The following STXBP5L variants were observed in gnomAD, a reference collection of about 807,000 sequenced individuals.
The protein encoded by STXBP5L is syntaxin binding protein 5L, also known as syntaxin-binding protein 5-like.
In STXBP5L, 65 loss-of-function variants were observed where a neutral mutation model predicts 144.5. That is an observed-to-expected ratio of 0.45 (90% CI 0.37 to 0.55). The LOEUF (loss-of-function observed/expected upper bound fraction) is 0.55. Ranked by LOEUF, STXBP5L falls within the 20% of genes least tolerant of loss-of-function variation. STXBP5L has a pLI of 0.00. For synonymous variants in STXBP5L, 505 were observed against 469.6 expected, an observed-to-expected ratio of 1.08 and a Z score of -0.97; for missense variants, 1,298 against 1,405.5, an observed-to-expected ratio of 0.92 and a Z score of 1.22.
chr3:121,200,300 T>C (rs2048088713), intron 9 of STXBP5L, among the ~76,000 whole-genome samples: 1 of 152,202 alleles, frequency 6.6e-6, no homozygotes. Context: ...CTGATGGTAG[T>C]TTGTATTTCT....
chr3:121,348,941 TTG>T (rs2045138674), intron 20 of STXBP5L, among the ~76,000 whole-genome samples: 1 of 152,132 alleles, frequency 6.6e-6, no homozygotes, highest in Admixed American at 6.5e-5. Flanking sequence ...GAAGGGTTTT[TTG>T]TGTGTCTATC....
At chr3:121,179,020 G>T (rs1021468525) in intron 9 of STXBP5L, among the ~76,000 whole-genome samples, 1 of 152,118 alleles carries the variant, frequency 6.6e-6, no homozygotes, top group African/African-American at 2.4e-5. Context: ...GGCATTACAG[G>T]AAGATGGGGA....
At chr3:121,088,058 A>G (rs2042586833) in intron 5 of STXBP5L, among the ~76,000 whole-genome samples, 1 of 152,138 alleles carries the variant, frequency 6.6e-6, no homozygotes, top group African/African-American at 2.4e-5. Flanking sequence ...TATAATTTAG[A>G]AGCTCCGGCA....
chr3:120,939,204 A>G (rs1710427234), intron 2 of STXBP5L, among the ~76,000 whole-genome samples: 1 of 152,192 alleles, frequency 6.6e-6, no homozygotes, highest in Non-Finnish European at 1.5e-5. Flanking sequence ...CATTGTGTCT[A>G]GTACGTAGTA....
intron 5 of STXBP5L, among the ~76,000 whole-genome samples, chr3:121,074,694 A>G (rs1168151382): frequency 6.6e-6 from 1 of 152,086 alleles, no homozygotes; most frequent in African/African-American, 2.4e-5. Context: ...TAGAGTCTCC[A>G]TTCCTTTGTT....
chr3:121,229,948 T>A (rs1012730593), intron 11 of STXBP5L, among the ~76,000 whole-genome samples: 3 of 152,214 alleles, frequency 2.0e-5, no homozygotes, highest in African/African-American at 7.2e-5. Context: ...GTCTTTCTAT[T>A]AAATTTAAGA....
intron 3 of STXBP5L, among the ~76,000 whole-genome samples, chr3:120,973,470 C>T (rs1940521859): frequency 6.6e-6 from 1 of 151,662 alleles, no homozygotes; most frequent in Non-Finnish European, 1.5e-5. Context: ...CTTTTTTATT[C>T]TTGGTTAATC....
At chr3:121,264,993 A>G (rs2050514238) in intron 18 of STXBP5L, among the ~76,000 whole-genome samples, 1 of 152,206 alleles carries the variant, frequency 6.6e-6, no homozygotes, top group Non-Finnish European at 1.5e-5. Flanking sequence ...TTAGAGACAG[A>G]CAAAGAAACT....
chr3:121,315,473 TG>T (rs927669199), intron 19 of STXBP5L, among the ~76,000 whole-genome samples: 19 of 92,314 alleles, frequency 2.1e-4, no homozygotes, highest in African/African-American at 7.8e-4. Context: ...CATCACACTC[TG>T]GGGACTGTTG....
At chr3:120,982,796 G>T (rs550361972) in intron 3 of STXBP5L, among the ~76,000 whole-genome samples, 1 of 152,326 alleles carries the variant, frequency 6.6e-6, no homozygotes, top group South Asian at 2.1e-4. Flanking sequence ...GGTGCCAGTT[G>T]TGGTGGACTG....
intron 3 of STXBP5L, among the ~76,000 whole-genome samples, chr3:120,973,229 A>T (rs1194785661): frequency 1.3e-5 from 2 of 152,006 alleles, no homozygotes; most frequent in East Asian, 3.9e-4. Context: ...AGATTCTTAA[A>T]TTACTGATTG....
chr3:120,946,278 G>A (rs1345172694), intron 2 of STXBP5L, among the ~76,000 whole-genome samples: 1 of 151,534 alleles, frequency 6.6e-6, no homozygotes, highest in East Asian at 1.9e-4. Context: ...ATGATTGTAC[G>A]GTGTCAATAA....
At chr3:121,180,242 A>G (rs1577131075) in intron 9 of STXBP5L, among the ~76,000 whole-genome samples, 1 of 152,254 alleles carries the variant, frequency 6.6e-6, no homozygotes, top group East Asian at 1.9e-4. Flanking sequence ...CAGATTTGTC[A>G]GCAGAAACTT....
At chr3:121,303,341 C>T (rs1381802713) in intron 19 of STXBP5L, among the ~76,000 whole-genome samples, 1 of 151,876 alleles carries the variant, frequency 6.6e-6, no homozygotes, top group Admixed American at 6.6e-5. Flanking sequence ...CCATCTCACA[C>T]CAGTTAGAAT....
At chr3:121,313,237 C>T (rs2043615937) in intron 19 of STXBP5L, among the ~76,000 whole-genome samples, 1 of 145,352 alleles carries the variant, frequency 6.9e-6, no homozygotes, top group African/African-American at 2.6e-5. Flanking sequence ...CACCTCCCTC[C>T]CGGACGGGGC....
intron 16 of STXBP5L, among the ~76,000 whole-genome samples, chr3:121,255,571 G>A (rs1051334308): frequency 6.6e-6 from 1 of 151,600 alleles, no homozygotes; most frequent in Non-Finnish European, 1.5e-5. Flanking sequence ...ATTTATTTTT[G>A]TATAAAAATC....
At chr3:120,908,947 C>CTG (rs2107537336) in intron 1 of STXBP5L, among the ~76,000 whole-genome samples, 1 of 152,050 alleles carries the variant, frequency 6.6e-6, no homozygotes, top group South Asian at 2.1e-4. Flanking sequence ...GCAGCTGTTG[C>CTG]TGTGGGTCAC....
chr3:121,160,445 A>T (rs2046281072), intron 9 of STXBP5L, among the ~76,000 whole-genome samples: 1 of 152,230 alleles, frequency 6.6e-6, no homozygotes, highest in South Asian at 2.1e-4. Flanking sequence ...AAAAAGAAAC[A>T]ATACAGTATC....
chr3:120,986,626 A>G (rs1015423975), intron 3 of STXBP5L, among the ~76,000 whole-genome samples: 2 of 151,964 alleles, frequency 1.3e-5, no homozygotes, highest in Non-Finnish European at 2.9e-5. Context: ...TTTTACATTT[A>G]AAGTACATTT....
Sources: allele counts gnomAD v4.1 joint callset (sites outside exome capture counted in the v4.1 genomes callset), GRCh38; gene constraint gnomAD v4.1.1; transcripts MANE v1.5; gene names NCBI Gene and HGNC (gene_info 2026-07-23, HGNC 2026-07-21).